The following AFAP1 variants were observed in gnomAD, a reference collection of about 807,000 sequenced individuals.
The protein encoded by AFAP1 is actin filament-associated protein 1.
AFAP1 carries 75 observed loss-of-function variants against 93.9 expected under a neutral mutation model. That is an observed-to-expected ratio of 0.80 (90% CI 0.66 to 0.97). The LOEUF is 0.97. AFAP1 is among the 50% of genes least tolerant of loss of function. AFAP1 has a pLI of 0.00. For synonymous variants in AFAP1, 517 were observed against 430.7 expected (o/e 1.20, Z -2.48); for missense variants, 1,201 against 1,050.8 (o/e 1.14, Z -1.98).
intron 3 of AFAP1, chr4:7,862,399 C>CGGGAGGGGGGGGGGGGGGGGGG (rs1715819843): frequency 3.0e-5 from 1 of 33,682 alleles, no homozygotes; most frequent in Admixed American, 2.3e-4. Context: ...GAGTTGGGGG[C>CGGGAGGGGGGGGGGGGGGGGGG]GGGGGGGGGG....
chr4:7,933,048 G>T (rs967126505), intron 1 of AFAP1, among the ~76,000 whole-genome samples: 6 of 148,932 alleles, frequency 4.0e-5, no homozygotes, highest in African/African-American at 1.5e-4. Context: ...AAAGGGGGGG[G>T]ATCTTCACGT....
chr4:7,851,561 G>A (rs78029002), intron 4 of AFAP1, among the ~76,000 whole-genome samples: 361 of 152,300 alleles, frequency 2.4e-3, no homozygotes, highest in African/African-American at 3.4e-3. Context: ...CTTGATACTC[G>A]GGTAAATACC....
At chr4:7,890,258 G>C (rs549431329) in intron 1 of AFAP1, among the ~76,000 whole-genome samples, 1 of 152,236 alleles carries the variant, frequency 6.6e-6, no homozygotes, top group Admixed American at 6.5e-5. Context: ...TGACAAAGAT[G>C]CCAAGATAAT....
rs151076213 is a variant in AFAP1, at chr4:7,850,522, G to C, written c.334+4944C>G. 1.0e-4 allele frequency among the ~76,000 whole-genome samples: 16 copies of C among 152,384 alleles called. No individual in the cohort carries two copies. The East Asian group carries it at 2.9e-3, about 28-fold the overall frequency. Reference sequence around the variant, plus strand: ...ACCAAAACAGCCAATGAGCGTTGTAGTGAGTTTATGCTATGTCACCGTAGC... The same window carrying C: ...ACCAAAACAGCCAATGAGCGTTGTACTGAGTTTATGCTATGTCACCGTAGC... On this transcript the variant is annotated intron_variant, in intron 4 of 17. Transcript: ENST00000420658.
intron 3 of AFAP1, among the ~76,000 whole-genome samples, chr4:7,863,224 T>A (rs1715950708): frequency 6.6e-6 from 1 of 152,154 alleles, no homozygotes; most frequent in Non-Finnish European, 1.5e-5. Context: ...GAAAGCAGCC[T>A]GGGCAACATG....
At chr4:7,837,011 C>A (rs1197789444) in intron 6 of AFAP1, among the ~76,000 whole-genome samples, 1 of 152,118 alleles carries the variant, frequency 6.6e-6, no homozygotes, top group African/African-American at 2.4e-5. Flanking sequence ...TACAGCACAA[C>A]AGACAACAGA....
At chr4:7,849,176 A>G (rs4488938) in intron 4 of AFAP1, among the ~76,000 whole-genome samples, 11,091 of 152,188 alleles carry the variant, frequency 0.073, 1,018 homozygotes, top group East Asian at 0.48. Context: ...TGCTGAGGCC[A>G]TAAGCAGGAG....
intron 9 of AFAP1, among the ~76,000 whole-genome samples, chr4:7,801,720 G>A (rs180976344): frequency 2.7e-5 from 4 of 150,632 alleles, no homozygotes; most frequent in African/African-American, 9.7e-5. Flanking sequence ...ACATACCCCT[G>A]CCTCAAAAAT....
Position 7,822,624 on chromosome 4 carries a change from G to A in AFAP1, c.727-3453C>T, listed in dbSNP as rs544766478. ...TTTTGAGACAGAGTCTCGCTCTGTC[G>A]CCCAGGCTGGAGTGCAGTGGCACGA... is the stretch of plus-strand genomic sequence containing the variant. On this transcript the variant is annotated intron_variant, in intron 6 of 17. Coordinates refer to ENST00000420658, the MANE Select transcript of AFAP1 (RefSeq NM_001134647.2). Among the ~76,000 whole-genome samples, 16 of 135,630 alleles carry A rather than the reference G, an allele frequency of 1.2e-4. 1 individual carries two copies. The East Asian group carries it at 2.3e-3, about 20-fold the overall frequency. The allele number at this position is 135,630 out of a possible 152,430, so 89.0% of individuals were successfully genotyped here.
chr4:7,782,858 T>C (rs1716907858), intron 12 of AFAP1, among the ~76,000 whole-genome samples: 1 of 152,218 alleles, frequency 6.6e-6, no homozygotes, highest in African/African-American at 2.4e-5. Context: ...AAATAACGGC[T>C]CCTGCAGATA....
At chr4:7,776,581 G>C (rs1716149788) in intron 14 of AFAP1, 1 of 152,076 alleles carries the variant, frequency 6.6e-6, no homozygotes. Context: ...CCTAAATGCT[G>C]GATTTGCCAA....
chr4:7,780,629 TAGTG>T (rs1560153123), intron 13 of AFAP1, among the ~76,000 whole-genome samples: 1 of 150,840 alleles, frequency 6.6e-6, no homozygotes, highest in Non-Finnish European at 1.5e-5. Flanking sequence ...CTGGGCAACA[TAGTG>T]AGACTTCATC....
At chr4:7,919,125 C>T (rs1031977396) in intron 1 of AFAP1, among the ~76,000 whole-genome samples, 21 of 150,260 alleles carry the variant, frequency 1.4e-4, no homozygotes, top group African/African-American at 4.4e-4. Context: ...ACTAGAAAAA[C>T]AGGGCTGCAG....
chr4:7,907,501 T>C (rs967935054), intron 1 of AFAP1, among the ~76,000 whole-genome samples: 7 of 152,108 alleles, frequency 4.6e-5, no homozygotes, highest in Non-Finnish European at 1.0e-4. Flanking sequence ...TGGAAGAAAA[T>C]AGCCTGTTTA....
At chr4:7,855,371 T>C (rs1392578395) in intron 4 of AFAP1, 95 bp downstream of exon 4, 6 of 950,790 alleles carry the variant, frequency 6.3e-6, no homozygotes, top group African/African-American at 3.3e-5. Flanking sequence ...TGTTTTATAA[T>C]ACCCTGTTGC....
intron 2 of AFAP1, 128 bp from the exon 3 acceptor site, chr4:7,868,847 A>T: frequency 2.5e-6 from 2 of 785,738 alleles, no homozygotes; most frequent in Non-Finnish European, 4.1e-6. Flanking sequence ...AATCCTTTAC[A>T]ACAGTCCTGC....
Position 7,763,174 on chromosome 4 carries a change from T to TA in AFAP1, c.*590dup, listed in dbSNP as rs1314825890. 2 of 152,628 alleles carry TA rather than the reference T, an allele frequency of 1.3e-5. No individual in the cohort carries two copies. The highest frequency in any genetic ancestry group is 1.9e-4 in the East Asian group (1 of 5,196). The allele number at this position is 152,628 out of a possible 1,614,324, so 9.5% of individuals were successfully genotyped here. ...CTGTCCAAAAAATAATAATAAAAGG[T>TA]AAAAAACGTTTCACAGCGCGATTTT... On this transcript the variant is annotated 3_prime_UTR_variant, in exon 18 of 18. Transcript: ENST00000420658.
intron 1 of AFAP1, among the ~76,000 whole-genome samples, chr4:7,905,946 G>A (rs920486744): frequency 1.3e-5 from 2 of 152,232 alleles, no homozygotes; most frequent in South Asian, 2.1e-4. Flanking sequence ...CGCATGCAAC[G>A]TGGAGGCAGG....
chr4:7,834,523 T>G (rs1224666252), intron 6 of AFAP1, among the ~76,000 whole-genome samples: 1 of 152,102 alleles, frequency 6.6e-6, no homozygotes, highest in Non-Finnish European at 1.5e-5. Context: ...TAAAAAAAAT[T>G]TTTTTCAAAA....
Sources: allele counts gnomAD v4.1 joint callset (sites outside exome capture counted in the v4.1 genomes callset), GRCh38; gene constraint gnomAD v4.1.1; transcripts MANE v1.5; gene names NCBI Gene and HGNC (gene_info 2026-07-23, HGNC 2026-07-21).